Variants in ADGRB3 observed in about 807,000 individuals in gnomAD.
ADGRB3 encodes the protein brain-specific angiogenesis inhibitor 3.
ADGRB3 carries 37 observed loss-of-function variants against 193.4 expected under a neutral mutation model. That is an observed-to-expected ratio of 0.19 (90% CI 0.15 to 0.25). ADGRB3 has a LOEUF of 0.25. Among genes scored for constraint, ADGRB3 ranks in the 10% least tolerant of loss-of-function variants. ADGRB3 has a pLI of 1.00. For synonymous variants in ADGRB3, 690 were observed against 644.2 expected, an observed-to-expected ratio of 1.07 and a Z score of -1.08; for missense variants, 1,637 against 1,852.9, an observed-to-expected ratio of 0.88 and a Z score of 2.14.
At chr6:68,834,124 C>T (rs6911451) in intron 3 of ADGRB3, among the ~76,000 whole-genome samples, 4,726 of 151,590 alleles carry the variant, frequency 0.031, 244 homozygotes, top group African/African-American at 0.11. Context: ...AGAAAAATAA[C>T]ATGCAAACCT....
intron 17 of ADGRB3, among the ~76,000 whole-genome samples, chr6:69,148,922 G>A (rs2150340549): frequency 6.6e-6 from 1 of 152,180 alleles, no homozygotes; most frequent in East Asian, 1.9e-4. Flanking sequence ...GAGCTTCATT[G>A]TATTTTATTT....
chr6:69,363,212 C>G (rs1034930400), intron 29 of ADGRB3, among the ~76,000 whole-genome samples: 1 of 151,788 alleles, frequency 6.6e-6, no homozygotes, highest in Non-Finnish European at 1.5e-5. Flanking sequence ...GTGATTCAGC[C>G]AAAAGACCTG....
chr6:68,699,812 T>C (rs1765212760), intron 3 of ADGRB3, among the ~76,000 whole-genome samples: 1 of 149,942 alleles, frequency 6.7e-6, no homozygotes, highest in Non-Finnish European at 1.5e-5. Flanking sequence ...ACCCAAGCAG[T>C]AGGTGGGGGG....
At chr6:69,349,825 T>A (rs1465927692) in intron 26 of ADGRB3, among the ~76,000 whole-genome samples, 1 of 152,192 alleles carries the variant, frequency 6.6e-6, no homozygotes, top group Non-Finnish European at 1.5e-5. Context: ...AACTGTCTTC[T>A]TAAAAGTGAA....
chr6:68,675,492 A>T (rs570715189), intron 3 of ADGRB3, among the ~76,000 whole-genome samples: 2 of 152,326 alleles, frequency 1.3e-5, no homozygotes, highest in Admixed American at 1.3e-4. Flanking sequence ...GAGTGAAATT[A>T]ATGTTAGAAT....
chr6:68,999,730 C>G (rs927809537), intron 11 of ADGRB3, among the ~76,000 whole-genome samples: 2 of 152,172 alleles, frequency 1.3e-5, no homozygotes, highest in Non-Finnish European at 2.9e-5. Flanking sequence ...AGAACTTTCA[C>G]ACACAACATC....
intron 13 of ADGRB3, among the ~76,000 whole-genome samples, chr6:69,025,846 T>C (rs904193481): frequency 1.3e-5 from 2 of 152,236 alleles, no homozygotes; most frequent in Non-Finnish European, 2.9e-5. Flanking sequence ...ACTAGGATCC[T>C]CTAATTCCAC....
intron 20 of ADGRB3, among the ~76,000 whole-genome samples, chr6:69,272,694 T>C (rs1164715325): frequency 2.0e-5 from 3 of 152,086 alleles, no homozygotes; most frequent in African/African-American, 7.2e-5. Context: ...AGATTAGGGA[T>C]AGAGAAACAA....
intron 3 of ADGRB3, among the ~76,000 whole-genome samples, chr6:68,847,505 A>T (rs553967365): frequency 6.6e-6 from 1 of 152,238 alleles, no homozygotes; most frequent in East Asian, 1.9e-4. Context: ...GGTTTTTCTC[A>T]TGCTATTCTC....
At chr6:69,019,174 A>G (rs1404106278) in intron 13 of ADGRB3, among the ~76,000 whole-genome samples, 1 of 152,002 alleles carries the variant, frequency 6.6e-6, no homozygotes, top group South Asian at 2.1e-4. Context: ...AGTGATACAC[A>G]TTGAATTGAT....
chr6:68,945,892 A>T (rs1767763811), intron 6 of ADGRB3, among the ~76,000 whole-genome samples: 1 of 152,086 alleles, frequency 6.6e-6, no homozygotes, highest in Admixed American at 6.6e-5. Flanking sequence ...AGCTACTTGG[A>T]TATTAGTGGT....
At chr6:68,766,246 A>G (rs889417800) in intron 3 of ADGRB3, among the ~76,000 whole-genome samples, 1 of 151,708 alleles carries the variant, frequency 6.6e-6, no homozygotes, top group African/African-American at 2.4e-5. Flanking sequence ...AGCTTATTTC[A>G]TTGAATGCTC....
intron 17 of ADGRB3, 24 bp downstream of exon 17, chr6:69,076,062 A>G (rs1486822923): frequency 1.0e-5 from 16 of 1,607,780 alleles, no homozygotes; most frequent in Non-Finnish European, 1.4e-5. Flanking sequence ...GTTTTCCTAC[A>G]TTACTTTGGG....
chr6:68,659,364 T>C (rs182601248), intron 3 of ADGRB3, among the ~76,000 whole-genome samples: 3,346 of 150,864 alleles, frequency 0.022, 64 homozygotes, highest in South Asian at 0.074. Flanking sequence ...CTTATGTAGG[T>C]CATTGTCAGT....
At chr6:69,319,222 T>A (rs1224282277) in intron 20 of ADGRB3, among the ~76,000 whole-genome samples, 1 of 151,288 alleles carries the variant, frequency 6.6e-6, no homozygotes, top group Non-Finnish European at 1.5e-5. Context: ...AGTTTATAAT[T>A]TAGAGTTTTA....
intron 30 of ADGRB3, among the ~76,000 whole-genome samples, chr6:69,372,887 T>G (rs901248531): frequency 6.6e-6 from 1 of 152,052 alleles, no homozygotes; most frequent in Admixed American, 6.6e-5. Flanking sequence ...TTCTGATTCC[T>G]GCTATTTAGG....
chr6:69,093,376 C>T (rs762640183), intron 17 of ADGRB3, among the ~76,000 whole-genome samples: 1 of 151,304 alleles, frequency 6.6e-6, no homozygotes, highest in Non-Finnish European at 1.5e-5. Context: ...TAGTGGGCAT[C>T]TTAGATTCAG....
chr6:68,981,153 G>A (rs1221240219), intron 10 of ADGRB3, among the ~76,000 whole-genome samples: 1 of 151,448 alleles, frequency 6.6e-6, no homozygotes, highest in Non-Finnish European at 1.5e-5. Flanking sequence ...CTCACTTACG[G>A]AATTCAAATA....
intron 20 of ADGRB3, among the ~76,000 whole-genome samples, chr6:69,244,178 C>A (rs747280467): frequency 3.0e-4 from 45 of 151,818 alleles, no homozygotes; most frequent in Non-Finnish European, 5.9e-4. Context: ...TACAAAAATT[C>A]TCTGTCTTAA....
Sources: allele counts gnomAD v4.1 joint callset (sites outside exome capture counted in the v4.1 genomes callset), GRCh38; gene constraint gnomAD v4.1.1; transcripts MANE v1.5; gene names NCBI Gene and HGNC (gene_info 2026-07-23, HGNC 2026-07-21).